LYPLA1: variants seen among roughly 807,000 people sequenced by gnomAD.
The protein encoded by LYPLA1 is lysophospholipase 1.
In LYPLA1, 17 loss-of-function variants were observed where a neutral mutation model predicts 34.0. The observed-to-expected ratio is 0.50, with a 90% CI of 0.34 to 0.75. The LOEUF (loss-of-function observed/expected upper bound fraction) is 0.75, where lower values mean the gene tolerates loss of function less well. LYPLA1 is among the 30% of genes least tolerant of loss of function. The probability of loss-of-function intolerance (pLI) is 0.01; values close to 1 mark genes in which losing one functional copy is unlikely to be tolerated. For missense variants in LYPLA1, 203 were observed against 288.8 expected (o/e 0.70, Z 2.15); for synonymous variants, 98 against 100.8 (o/e 0.97, Z 0.17).
chr8:54,049,267 TC>T (rs1805682347), intron 8 of LYPLA1, among the ~76,000 whole-genome samples: 1 of 152,240 alleles, frequency 6.6e-6, no homozygotes, highest in African/African-American at 2.4e-5. Flanking sequence ...TTCTCAAGCC[TC>T]CAGACCTATC....
intron 2 of LYPLA1, among the ~76,000 whole-genome samples, chr8:54,074,433 T>C (rs1452381995): frequency 6.6e-6 from 1 of 152,244 alleles, no homozygotes; most frequent in East Asian, 1.9e-4. Flanking sequence ...TACAATTTCA[T>C]GCAGATGAAC....
intron 2 of LYPLA1, among the ~76,000 whole-genome samples, 162 bp from the exon 3 acceptor site, chr8:54,065,975 C>T (rs913843600): frequency 4.6e-5 from 7 of 152,038 alleles, no homozygotes; most frequent in African/African-American, 1.2e-4. Flanking sequence ...CTCGCTCTGT[C>T]GCCCAGGCTG....
intron 2 of LYPLA1, among the ~76,000 whole-genome samples, chr8:54,085,952 G>GA (rs1222548478): frequency 6.6e-6 from 1 of 152,166 alleles, no homozygotes; most frequent in Non-Finnish European, 1.5e-5. Context: ...AGCTCATTGA[G>GA]AACGGGCCAT....
chr8:54,059,315 T>TTTTTTTTG (rs1806433342), intron 5 of LYPLA1, among the ~76,000 whole-genome samples: 1 of 72,994 alleles, frequency 1.4e-5, no homozygotes, highest in African/African-American at 1.3e-4. Context: ...TTTTTTTTTT[T>TTTTTTTTG]GAGACGGAGT....
rs74565475 is a variant in LYPLA1 at position 54,070,743 on chromosome 8, T to C, written c.102-4930A>G. Among the ~76,000 whole-genome samples, 802 of 151,802 alleles carry C rather than the reference T, an allele frequency of 5.3e-3. 9 individuals are homozygous for C. The highest frequency in any genetic ancestry group is 0.018 in the African/African-American group (749 of 41,386). On this transcript the variant is annotated intron_variant, in intron 2 of 8. Transcript: ENST00000316963. ...ATCTCAAATAAAGAATAAAATAAAA[T>C]AAAATGAGGCACAGCCATACAACGG...
chr8:54,081,177 AT>A (rs1390551579), intron 2 of LYPLA1, among the ~76,000 whole-genome samples: 3 of 152,182 alleles, frequency 2.0e-5, no homozygotes, highest in African/African-American at 7.2e-5. Context: ...TTCACCCCAA[AT>A]ATACAGACAA....
At chr8:54,076,528 G>GC (rs112266862) in intron 2 of LYPLA1, among the ~76,000 whole-genome samples, 12 of 151,950 alleles carry the variant, frequency 7.9e-5, no homozygotes, top group East Asian at 5.8e-4. Context: ...TTGGGAGCAA[G>GC]CCCCCCCGAA....
At chr8:54,079,857 G>A (rs1808183972) in intron 2 of LYPLA1, among the ~76,000 whole-genome samples, 1 of 152,036 alleles carries the variant, frequency 6.6e-6, no homozygotes, top group African/African-American at 2.4e-5. Flanking sequence ...CTCTGCAAAA[G>A]ATAACAGTAT....
intron 2 of LYPLA1, among the ~76,000 whole-genome samples, chr8:54,079,395 C>A (rs1239793011): frequency 3.9e-5 from 6 of 152,114 alleles, no homozygotes; most frequent in Non-Finnish European, 8.8e-5. Context: ...TAATAAATAC[C>A]TGGCATATGG....
At chr8:54,087,442 C>A (rs970027800) in intron 2 of LYPLA1, among the ~76,000 whole-genome samples, 1 of 152,158 alleles carries the variant, frequency 6.6e-6, no homozygotes, top group African/African-American at 2.4e-5. Context: ...AGAGACTACA[C>A]TGAGCCGAGA....
At position 54,101,891 on chromosome 8, in the gene LYPLA1, G is replaced by C. The variant is rs931388596; in HGVS notation, c.-68C>G. On this transcript the variant is annotated 5_prime_UTR_variant, in exon 1 of 9. Coordinates refer to ENST00000316963, the MANE Select transcript of LYPLA1 (RefSeq NM_006330.4). ...GCCCGGCCGCGGCCCAAGGGCGTGC[G>C]AGCGGCGAGTCCCGGCCGGCCCCAC... is the stretch of plus-strand genomic sequence containing the variant. 1.1e-5 allele frequency: 11 copies of C among 996,154 alleles called. No individual in the cohort carries two copies. The highest frequency in any genetic ancestry group is 9.7e-5 in the Admixed American group (2 of 20,580). The allele number at this position is 996,154 out of a possible 1,614,324, so 61.7% of individuals were successfully genotyped here. A position where few individuals can be genotyped will look rare whatever the true frequency, so the allele number is the denominator to read the frequency against.
At chr8:54,080,517 C>G (rs986550361) in intron 2 of LYPLA1, among the ~76,000 whole-genome samples, 2 of 152,044 alleles carry the variant, frequency 1.3e-5, no homozygotes, top group Non-Finnish European at 1.5e-5. Flanking sequence ...TTTACACTTA[C>G]GAAGTATATT....
intron 2 of LYPLA1, among the ~76,000 whole-genome samples, chr8:54,076,292 T>C (rs1328237001): frequency 6.6e-6 from 1 of 152,216 alleles, no homozygotes; most frequent in Non-Finnish European, 1.5e-5. Flanking sequence ...TGCCAGGAAC[T>C]GGAGTGCTTA....
chr8:54,049,764 C>T (rs1481038732), intron 8 of LYPLA1, among the ~76,000 whole-genome samples: 1 of 152,158 alleles, frequency 6.6e-6, no homozygotes, highest in African/African-American at 2.4e-5. Context: ...TACTCTTCTT[C>T]CTGTTTACCA....
At chr8:54,072,214 A>G (rs1312391795) in intron 2 of LYPLA1, among the ~76,000 whole-genome samples, 1 of 152,134 alleles carries the variant, frequency 6.6e-6, no homozygotes, top group African/African-American at 2.4e-5. Context: ...ACCCCCACCT[A>G]ACACCACATA....
rs573966934 is a variant in LYPLA1 at position 54,059,299 on chromosome 8, G to GTT, written c.286+2953_286+2954dup. Among the ~76,000 whole-genome samples, 48 of 112,694 alleles carry GTT rather than the reference G, an allele frequency of 4.3e-4. 2 individuals carry two copies. Among genetic ancestry groups the GTT allele is most frequent in the Non-Finnish European group, 5.8e-4 (36 of 62,212 alleles). 73.9% of individuals were successfully genotyped at this position (112,694 alleles called of 152,430 possible). On this transcript the variant is annotated intron_variant, in intron 5 of 8. Transcript: ENST00000316963. ...CACATCTTTTGAATGTATTTTCCCT[G>GTT]TTTTTTTTTTTTTTTTGAGACGGAG...
intron 2 of LYPLA1, among the ~76,000 whole-genome samples, chr8:54,084,133 A>AAAAAAAAAAAAAAATTTTTATATATAT (rs1373090573): frequency 2.2e-4 from 27 of 120,412 alleles, no homozygotes; most frequent in African/African-American, 6.0e-4. Flanking sequence ...AGAAAAAAAA[A>AAAAAAAAAAAAAAATTTTTATATATAT]ATAAATAAAT....
intron 8 of LYPLA1, among the ~76,000 whole-genome samples, chr8:54,049,971 A>T (rs1042427135): frequency 6.6e-6 from 1 of 152,162 alleles, no homozygotes; most frequent in Non-Finnish European, 1.5e-5. Flanking sequence ...CCCACTCTGA[A>T]ATTCTCTCCA....
intron 5 of LYPLA1, among the ~76,000 whole-genome samples, chr8:54,061,127 C>T (rs977418007): frequency 6.6e-6 from 1 of 151,914 alleles, no homozygotes; most frequent in African/African-American, 2.4e-5. Flanking sequence ...GTTGCCCAAG[C>T]CTGAGTGCAA....
Sources: allele counts gnomAD v4.1 joint callset (sites outside exome capture counted in the v4.1 genomes callset), GRCh38; gene constraint gnomAD v4.1.1; transcripts MANE v1.5; gene names NCBI Gene and HGNC (gene_info 2026-07-23, HGNC 2026-07-21).